The following SLC25A21 variants were observed in gnomAD, a reference collection of about 807,000 sequenced individuals.
SLC25A21 encodes the protein mitochondrial 2-oxodicarboxylate carrier.
SLC25A21 carries 47 observed loss-of-function variants against 43.8 expected under a neutral mutation model. The ratio of observed to expected loss-of-function variants is 1.07; its 90% CI spans 0.85 to 1.37. The LOEUF is 1.37. Among genes scored for constraint, SLC25A21 ranks in the 40% most tolerant of loss-of-function variants. The pLI is 0.00. For missense variants in SLC25A21, 352 were observed against 350.2 expected (o/e 1.00, Z -0.04); for synonymous variants, 131 against 121.3 (o/e 1.08, Z -0.52).
At chr14:36,988,471 T>C (rs1960193668) in intron 1 of SLC25A21, among the ~76,000 whole-genome samples, 1 of 152,142 alleles carries the variant, frequency 6.6e-6, no homozygotes, top group African/African-American at 2.4e-5. Flanking sequence ...AACACCAGCT[T>C]TGGGGAGGGA....
intron 1 of SLC25A21, among the ~76,000 whole-genome samples, chr14:36,965,488 T>A (rs1270445481): frequency 1.3e-5 from 2 of 152,202 alleles, no homozygotes; most frequent in African/African-American, 4.8e-5. Flanking sequence ...CATGAGATTG[T>A]GATATTTGCA....
At chr14:37,065,382 C>G (rs1261388420) in intron 1 of SLC25A21, among the ~76,000 whole-genome samples, 1 of 152,160 alleles carries the variant, frequency 6.6e-6, no homozygotes. Flanking sequence ...CTAAGTGAAG[C>G]AGGAGCTCAG....
intron 2 of SLC25A21, among the ~76,000 whole-genome samples, chr14:36,849,245 A>G (rs1224922456): frequency 2.0e-5 from 3 of 152,118 alleles, no homozygotes; most frequent in Non-Finnish European, 4.4e-5. Flanking sequence ...TTCCTGTCCT[A>G]TATGCCCATC....
intron 1 of SLC25A21, among the ~76,000 whole-genome samples, chr14:36,879,974 T>C (rs1278174702): frequency 6.6e-6 from 1 of 152,176 alleles, no homozygotes; most frequent in East Asian, 1.9e-4. Context: ...AGAATCCTAC[T>C]AACCTTCAGA....
chr14:36,714,841 C>T (rs1328907692), intron 6 of SLC25A21, among the ~76,000 whole-genome samples: 1 of 152,130 alleles, frequency 6.6e-6, no homozygotes, highest in Admixed American at 6.5e-5. Context: ...TAAGTGGTAA[C>T]AACAGAGTTC....
intron 1 of SLC25A21, among the ~76,000 whole-genome samples, chr14:37,070,942 C>G (rs1962158000): frequency 6.6e-6 from 1 of 152,106 alleles, no homozygotes; most frequent in Non-Finnish European, 1.5e-5. Flanking sequence ...ATCAGTTTCC[C>G]CGGGGGAAGG....
At chr14:36,783,503 G>A (rs1887146300) in intron 3 of SLC25A21, among the ~76,000 whole-genome samples, 1 of 152,082 alleles carries the variant, frequency 6.6e-6, no homozygotes, top group African/African-American at 2.4e-5. Flanking sequence ...ATTCTGGTGG[G>A]GGGCAAGAAA....
intron 1 of SLC25A21, among the ~76,000 whole-genome samples, chr14:36,926,915 C>T (rs1325505972): frequency 6.6e-6 from 1 of 152,050 alleles, no homozygotes; most frequent in Non-Finnish European, 1.5e-5. Context: ...GCCTGGGAGG[C>T]ATAAGGCACT....
chr14:36,775,807 C>T (rs1241813621), intron 3 of SLC25A21, among the ~76,000 whole-genome samples: 1 of 152,202 alleles, frequency 6.6e-6, no homozygotes, highest in African/African-American at 2.4e-5. Context: ...CTCATCAATA[C>T]TAGCCATCCT....
At chr14:36,844,613 G>T (rs936742286) in intron 2 of SLC25A21, among the ~76,000 whole-genome samples, 2 of 152,196 alleles carry the variant, frequency 1.3e-5, no homozygotes, top group Admixed American at 1.3e-4. Flanking sequence ...AAGCCTTAGA[G>T]GAGTGGGACC....
rs189271349 is a variant in SLC25A21 at position 36,682,793 on chromosome 14, G to T, written c.838+1035C>A. ...TATGAAACAAAATCCATGTGTAAAG[G>T]CCTATAAAGATTGGGATAGATGGGT... On this transcript the variant is annotated intron_variant, in intron 9 of 9. Transcript: ENST00000331299. 2.1e-3 allele frequency among the ~76,000 whole-genome samples: 327 copies of T among 152,340 alleles called. 2 individuals are homozygous for T. Among genetic ancestry groups the T allele is most frequent in the Middle Eastern group, 3.4e-3 (1 of 294 alleles).
intron 1 of SLC25A21, among the ~76,000 whole-genome samples, chr14:37,005,479 C>T (rs183856471): frequency 3.2e-4 from 49 of 152,264 alleles, no homozygotes; most frequent in South Asian, 1.5e-3. Flanking sequence ...CAAAGATATA[C>T]AATTTTTTTC....
intron 1 of SLC25A21, among the ~76,000 whole-genome samples, chr14:36,956,751 GA>G (rs1172153106): frequency 4.0e-5 from 6 of 151,392 alleles, no homozygotes; most frequent in South Asian, 2.1e-4. Flanking sequence ...AAAGCTGAAG[GA>G]AAAAAAACAG....
intron 2 of SLC25A21, among the ~76,000 whole-genome samples, chr14:36,845,368 A>G (rs1387264664): frequency 6.6e-6 from 1 of 152,260 alleles, no homozygotes; most frequent in Non-Finnish European, 1.5e-5. Flanking sequence ...ATTGAAAGAT[A>G]CAAAGATCAA....
At chr14:37,102,352 A>T (rs2138865840) in intron 1 of SLC25A21, among the ~76,000 whole-genome samples, 1 of 152,082 alleles carries the variant, frequency 6.6e-6, no homozygotes, top group Middle Eastern at 3.4e-3. Flanking sequence ...CTGAGGCAGG[A>T]GAATCGCTTG....
At chr14:36,880,447 C>T (rs552896862) in intron 1 of SLC25A21, among the ~76,000 whole-genome samples, 2 of 152,252 alleles carry the variant, frequency 1.3e-5, no homozygotes, top group Non-Finnish European at 2.9e-5. Flanking sequence ...GCTCCCTGAA[C>T]TTGTATTATT....
chr14:36,862,842 T>A (rs927164537), intron 2 of SLC25A21, among the ~76,000 whole-genome samples: 3 of 152,178 alleles, frequency 2.0e-5, no homozygotes, highest in African/African-American at 7.2e-5. Context: ...TTCAATATAA[T>A]CTCACATCAA....
At chr14:36,688,855 T>C (rs1251338982) in intron 7 of SLC25A21, among the ~76,000 whole-genome samples, 1 of 152,244 alleles carries the variant, frequency 6.6e-6, no homozygotes, top group African/African-American at 2.4e-5. Context: ...TACAAATGAG[T>C]TAACTGAAAG....
At chr14:36,681,363 T>G (rs1360072803) in intron 9 of SLC25A21, among the ~76,000 whole-genome samples, 1 of 152,198 alleles carries the variant, frequency 6.6e-6, no homozygotes, top group Non-Finnish European at 1.5e-5. Context: ...GAGACCACCA[T>G]TTGTCTTGGA....
Sources: gnomAD v4.1 joint callset for allele counts (sites outside exome capture counted in the v4.1 genomes callset) on GRCh38, gnomAD v4.1.1 for gene constraint, MANE v1.5 for transcripts, NCBI Gene and HGNC (gene_info 2026-07-23, HGNC 2026-07-21) for gene names.